The following RMI1 variants were observed in gnomAD, a reference collection of about 807,000 sequenced individuals.
The protein encoded by RMI1 is recQ-mediated genome instability protein 1.
In RMI1, 36 loss-of-function variants were observed where a neutral mutation model predicts 46.7. That is an observed-to-expected ratio of 0.77 (90% CI 0.59 to 1.02). The LOEUF (loss-of-function observed/expected upper bound fraction) is 1.02. Among genes scored for constraint, RMI1 ranks in the 50% least tolerant of loss-of-function variants. RMI1 has a pLI of 0.00. For missense variants in RMI1, 676 were observed against 713.7 expected, an observed-to-expected ratio of 0.95 and a Z score of 0.60; for synonymous variants, 250 against 252.9, an observed-to-expected ratio of 0.99 and a Z score of 0.11.
intron 1 of RMI1, among the ~76,000 whole-genome samples, chr9:83,985,860 T>A (rs1282794963): frequency 1.3e-5 from 2 of 152,022 alleles, no homozygotes; most frequent in Non-Finnish European, 2.9e-5. Flanking sequence ...TACAAAAAAA[T>A]TAGCCGGGCA....
At position 84,002,314 on chromosome 9, in the gene RMI1, TA is replaced by T; in HGVS notation, c.1331del (p.Asn444IlefsTer28). On this transcript the variant is annotated frameshift_variant, in exon 3 of 3. Coordinates refer to ENST00000445877, the MANE Select transcript of RMI1 (RefSeq NM_001358291.2). LOFTEE classifies it high-confidence loss of function. ...AGCCATTCCTTAAATAATAAAATAT[TA>T]AATAGAGAGGTGGTCAACTATGTAC... is the stretch of plus-strand genomic sequence containing the variant. ...SDSHSLNNKI[L>X]NREVVNYVQK... 6.3e-7 allele frequency: 1 copy of T among 1,599,500 alleles called. No homozygotes were observed. The highest frequency in any genetic ancestry group is 1.1e-5 in the South Asian group (1 of 90,362).
intron 1 of RMI1, among the ~76,000 whole-genome samples, chr9:83,990,894 G>A (rs1485170818): frequency 6.6e-6 from 1 of 151,826 alleles, no homozygotes; most frequent in Non-Finnish European, 1.5e-5. Context: ...CACAACCCCC[G>A]CCTCCTGGGT....
chr9:83,981,968 C>T (rs1239667835), intron 1 of RMI1, among the ~76,000 whole-genome samples: 1 of 152,094 alleles, frequency 6.6e-6, no homozygotes, highest in African/African-American at 2.4e-5. Context: ...ACATAATGTC[C>T]GGGATTGTGG....
At chr9:83,980,767 G>A (rs1957359005), upstream of RMI1, 1 of 152,386 alleles carries the variant, frequency 6.6e-6, no homozygotes, top group Admixed American at 6.5e-5. Context: ...GGAGGGGCGC[G>A]AGCGCGCGGC....
chr9:83,998,597 T>C (rs183352568), intron 1 of RMI1, among the ~76,000 whole-genome samples: 187 of 152,338 alleles, frequency 1.2e-3, no homozygotes, highest in Non-Finnish European at 1.7e-3. Context: ...GAATCAATAA[T>C]AAACTGAAGT....
chr9:83,988,444 C>T (rs1168142555), intron 1 of RMI1, among the ~76,000 whole-genome samples: 2 of 152,290 alleles, frequency 1.3e-5, no homozygotes, highest in East Asian at 1.9e-4. Context: ...GCTGGGACTA[C>T]AGGCATGCAC....
Position 83,980,844 on chromosome 9 carries a change from G to T in RMI1, c.-173G>T, listed in dbSNP as rs1588450610. On this transcript the variant is annotated 5_prime_UTR_variant, in exon 1 of 3. Transcript: ENST00000445877. ...CGCGGCGGTTCCTGTCCTTACAGTT[G>T]CGCTGCCCAGGGACCGATGTTGCGC... 6.6e-6 allele frequency: 1 copy of T among 152,400 alleles called. No individual in the cohort carries two copies. The highest frequency in any genetic ancestry group is 6.5e-5 in the Admixed American group (1 of 15,290). 9.4% of individuals were successfully genotyped at this position (152,400 alleles called of 1,614,324 possible). A position where few individuals can be genotyped will look rare whatever the true frequency, so the allele number is the denominator to read the frequency against.
Position 83,980,870 on chromosome 9 carries a change from G to A in RMI1, c.-147G>A, listed in dbSNP as rs1957365653. ...CGCTGCCCAGGGACCGATGTTGCGC[G>A]AGGAAAATGCGGGACGCCCAGGTCG... On this transcript the variant is annotated 5_prime_UTR_variant, in exon 1 of 3. Coordinates refer to ENST00000445877, the MANE Select transcript of RMI1 (RefSeq NM_001358291.2). 5 of 152,386 alleles carry A rather than the reference G, an allele frequency of 3.3e-5. No homozygotes were observed. The allele number at this position is 152,386 out of a possible 1,614,324, so 9.4% of individuals were successfully genotyped here.
chr9:83,990,288 C>T (rs1957550989), intron 1 of RMI1, among the ~76,000 whole-genome samples: 1 of 151,928 alleles, frequency 6.6e-6, no homozygotes, highest in South Asian at 2.1e-4. Flanking sequence ...CTGAGGTGGG[C>T]GGATCACGAG....
intron 1 of RMI1, among the ~76,000 whole-genome samples, chr9:83,986,273 G>T (rs1049097590): frequency 3.3e-5 from 5 of 152,176 alleles, no homozygotes; most frequent in African/African-American, 4.8e-5. Flanking sequence ...TTTTGTAAAT[G>T]AAACAATTTA....
At chr9:83,989,276 G>A (rs1957533490) in intron 1 of RMI1, among the ~76,000 whole-genome samples, 1 of 152,034 alleles carries the variant, frequency 6.6e-6, no homozygotes, top group Admixed American at 6.6e-5. Flanking sequence ...CATTGTTCTG[G>A]GCAAAGATTT....
At chr9:83,987,340 A>AC (rs1345060831) in intron 1 of RMI1, among the ~76,000 whole-genome samples, 11 of 152,302 alleles carry the variant, frequency 7.2e-5, no homozygotes, top group African/African-American at 2.2e-4. Context: ...GGCGTGAGCC[A>AC]CCGCGTCCGG....
intron 1 of RMI1, among the ~76,000 whole-genome samples, chr9:83,986,015 A>G (rs888408919): frequency 6.6e-6 from 1 of 152,160 alleles, no homozygotes; most frequent in Non-Finnish European, 1.5e-5. Flanking sequence ...AAAAAAACCC[A>G]CCAAAACAAT....
At chr9:83,983,411 G>A (rs1250664477) in intron 1 of RMI1, among the ~76,000 whole-genome samples, 3 of 151,996 alleles carry the variant, frequency 2.0e-5, no homozygotes, top group African/African-American at 4.8e-5. Flanking sequence ...CTAATTTTCG[G>A]AGTATCTTCT....
chr9:84,001,899 C>T lies in RMI1; in HGVS notation c.913C>T (p.His305Tyr). 1.9e-6 allele frequency: 3 copies of T among 1,613,974 alleles called. No individual in the cohort carries two copies. Among genetic ancestry groups the T allele is most frequent in the Non-Finnish European group, 2.5e-6 (3 of 1,179,924 alleles). Reference sequence around the variant, plus strand: ...AGAGGAACCATCAAACCTATCTATACATGTAATGGATGGAGAATTAGATGA... The same window carrying T: ...AGAGGAACCATCAAACCTATCTATATATGTAATGGATGGAGAATTAGATGA... ...PKEEPSNLSI[H>Y]VMDGELDDFS... The change falls in exon 3 of 3, where the codon CAT (histidine) becomes TAT (tyrosine). Residue 305 changes from histidine to tyrosine, a missense_variant. His to Tyr is a moderately conservative substitution (Grantham distance 83). Transcript: ENST00000445877.
intron 1 of RMI1, among the ~76,000 whole-genome samples, chr9:83,987,300 G>A (rs1052563106): frequency 3.9e-5 from 6 of 152,136 alleles, no homozygotes; most frequent in African/African-American, 1.2e-4. Context: ...TGATCCACCC[G>A]CCTCGGCCTC....
In RMI1 at chr9:84,002,055, A is replaced by AAT; in HGVS notation, c.1071_1072dup (p.Thr358IlefsTer8). On this transcript the variant is annotated frameshift_variant, in exon 3 of 3. Coordinates refer to ENST00000445877, the MANE Select transcript of RMI1 (RefSeq NM_001358291.2). LOFTEE classifies it high-confidence loss of function. ...TATAGAGAGATTTTCACATAATCCT[A>AAT]ATACTACGAATAACTTTTCTTTGAC... 6.2e-7 allele frequency: 1 copy of AAT among 1,613,868 alleles called. No homozygotes were observed. Among genetic ancestry groups the AAT allele is most frequent in the Non-Finnish European group, 8.5e-7 (1 of 1,179,868 alleles).
rs1165888971 is a variant in RMI1 at position 84,001,329 on chromosome 9, C to G, written c.343C>G (p.Leu115Val). Reference sequence around the variant, plus strand: ...GAGAGGAAAGAATACAACAAATGATCTAGTTACAGCTGAAGCACAAGTAAC... The same window carrying G: ...GAGAGGAAAGAATACAACAAATGATGTAGTTACAGCTGAAGCACAAGTAAC... ...KLRGKNTTND[L>V]VTAEAQVTPK... is the part of the protein sequence containing the mutation. The change falls in exon 3 of 3, where the codon CTA becomes GTA. Residue 115 changes from leucine to valine, a missense_variant. Transcript: ENST00000445877. 1.9e-6 allele frequency: 3 copies of G among 1,614,108 alleles called. No individual in the cohort carries two copies. The highest frequency in any genetic ancestry group is 2.5e-6 in the Non-Finnish European group (3 of 1,179,996).
At chr9:83,992,361 A>G (rs1957587339) in intron 1 of RMI1, among the ~76,000 whole-genome samples, 1 of 152,172 alleles carries the variant, frequency 6.6e-6, no homozygotes, top group Non-Finnish European at 1.5e-5. Context: ...CTTATCTAAA[A>G]TACATATTTT....
Sources: allele counts gnomAD v4.1 joint callset (sites outside exome capture counted in the v4.1 genomes callset), GRCh38; gene constraint gnomAD v4.1.1; transcripts MANE v1.5; gene names NCBI Gene and HGNC (gene_info 2026-07-23, HGNC 2026-07-21).